The following FREM1 variants were observed in gnomAD, a reference collection of about 807,000 sequenced individuals.
FREM1 encodes FRAS1-related extracellular matrix protein 1.
Under a neutral mutation model 210.1 loss-of-function variants are expected in FREM1, and 220 were observed. That is an observed-to-expected ratio of 1.05 (90% CI 0.94 to 1.17). FREM1 has a LOEUF of 1.17. FREM1 is among the 50% of genes most tolerant of loss of function. The probability of loss-of-function intolerance (pLI) is 0.00; values close to 1 mark genes in which losing one functional copy is unlikely to be tolerated. For synonymous variants in FREM1, 1,189 were observed against 980.2 expected (o/e 1.21, Z -3.98); for missense variants, 3,454 against 2,675.5 (o/e 1.29, Z -6.42).
At chr9:14,787,848 T>C (rs1587975537) in intron 23 of FREM1, among the ~76,000 whole-genome samples, 1 of 152,304 alleles carries the variant, frequency 6.6e-6, no homozygotes, top group Middle Eastern at 3.4e-3. Context: ...CAGGGAGAGA[T>C]AAATGTGTAC....
At chr9:14,815,628 T>C (rs1325409194) in intron 15 of FREM1, among the ~76,000 whole-genome samples, 1 of 152,178 alleles carries the variant, frequency 6.6e-6, no homozygotes, top group African/African-American at 2.4e-5. Flanking sequence ...AGGGGGTTCC[T>C]GTAAGTCCCT....
chr9:14,757,127 C>T (rs950538246), intron 28 of FREM1, among the ~76,000 whole-genome samples: 3 of 152,182 alleles, frequency 2.0e-5, no homozygotes, highest in African/African-American at 7.2e-5. Context: ...AACAAAAATG[C>T]CCTAGTCTAA....
chr9:14,868,259 G>T (rs1831915035), intron 2 of FREM1, among the ~76,000 whole-genome samples: 1 of 152,058 alleles, frequency 6.6e-6, no homozygotes. Context: ...GATAACTCGG[G>T]GCAGGAATAA....
At chr9:14,825,042 A>G in intron 10 of FREM1, 50 bp from the exon 11 acceptor site, 3 of 1,308,584 alleles carry the variant, frequency 2.3e-6, no homozygotes, top group Non-Finnish European at 3.2e-6. Context: ...AAAAAACAAC[A>G]AAGAAAATGC....
At chr9:14,866,953 G>T (rs755671443) in intron 2 of FREM1, among the ~76,000 whole-genome samples, 3 of 151,960 alleles carry the variant, frequency 2.0e-5, no homozygotes, top group South Asian at 2.1e-4. Flanking sequence ...TCCGCCTCCC[G>T]GGTTCAAGCG....
intron 16 of FREM1, among the ~76,000 whole-genome samples, chr9:14,809,965 A>C (rs1418662104): frequency 1.3e-5 from 2 of 152,132 alleles, no homozygotes; most frequent in African/African-American, 2.4e-5. Flanking sequence ...TACCTGTTAA[A>C]TGGCAATTTT....
intron 29 of FREM1, among the ~76,000 whole-genome samples, chr9:14,752,720 G>T (rs1252728525): frequency 6.6e-6 from 1 of 152,096 alleles, no homozygotes; most frequent in African/African-American, 2.4e-5. Context: ...TTAGTACTTG[G>T]AGAACTGTTT....
intron 13 of FREM1, among the ~76,000 whole-genome samples, chr9:14,821,783 G>A (rs1821364765): frequency 6.6e-6 from 1 of 152,250 alleles, no homozygotes; most frequent in Non-Finnish European, 1.5e-5. Flanking sequence ...TGCAATGGCT[G>A]CTGTAGGGTG....
chr9:14,887,709 G>A (rs756805100), intron 1 of FREM1, among the ~76,000 whole-genome samples: 1 of 151,898 alleles, frequency 6.6e-6, no homozygotes, highest in South Asian at 2.1e-4. Flanking sequence ...TTATTAATGT[G>A]CTTTCACTTA....
intron 16 of FREM1, among the ~76,000 whole-genome samples, chr9:14,809,232 C>T (rs1352849190): frequency 6.6e-6 from 1 of 152,210 alleles, no homozygotes; most frequent in Non-Finnish European, 1.5e-5. Flanking sequence ...CTGCCATGAT[C>T]ATGAGGCTTC....
At position 14,748,645 on chromosome 9, in the gene FREM1, G is replaced by A; in HGVS notation, c.5558-6C>T. 6.3e-7 allele frequency: 1 copy of A among 1,589,142 alleles called. No individual in the cohort carries two copies. Among genetic ancestry groups the A allele is most frequent in the Non-Finnish European group, 8.6e-7 (1 of 1,160,444 alleles). On this transcript the variant is annotated splice_region_variant and splice_polypyrimidine_tract_variant and intron_variant, in intron 30 of 36. Coordinates refer to ENST00000380880, the MANE Select transcript of FREM1 (RefSeq NM_001379081.2). ...ATATGAAGGATGGCATTGTCCTGGA[G>A]GCATGCAAGATGGCAGGCGGTCAGT...
intron 21 of FREM1, among the ~76,000 whole-genome samples, chr9:14,794,715 T>C (rs997395274): frequency 2.0e-5 from 3 of 152,020 alleles, no homozygotes; most frequent in Non-Finnish European, 4.4e-5. Flanking sequence ...AAAGTGGAGA[T>C]TGGGCCGGGC....
At chr9:14,747,864 CA>C in intron 31 of FREM1, 136 bp from the exon 32 acceptor site, 1 of 511,336 alleles carries the variant, frequency 2.0e-6, no homozygotes, top group East Asian at 3.4e-5. Flanking sequence ...TTCCCACGCC[CA>C]AATCATTGGA....
At chr9:14,761,236 T>C (rs1179440589) in intron 27 of FREM1, among the ~76,000 whole-genome samples, 1 of 152,166 alleles carries the variant, frequency 6.6e-6, no homozygotes, top group Non-Finnish European at 1.5e-5. Context: ...AATCACGTTC[T>C]ATGGATTAAG....
At chr9:14,871,964 A>G (rs1333413916) in intron 1 of FREM1, among the ~76,000 whole-genome samples, 3 of 152,172 alleles carry the variant, frequency 2.0e-5, no homozygotes, top group Non-Finnish European at 4.4e-5. Context: ...GTCAAAGATC[A>G]GATAGATCTT....
intron 29 of FREM1, chr9:14,751,803 C>A (rs1055063182): frequency 2.0e-4 from 30 of 152,054 alleles, no homozygotes; most frequent in African/African-American, 7.2e-4. Context: ...CAATCCTCAA[C>A]AGAAGTCAAT....
intron 3 of FREM1, among the ~76,000 whole-genome samples, chr9:14,860,739 ACATATATATGCACATATATATG>A (rs1564100923): frequency 7.5e-5 from 10 of 132,634 alleles, no homozygotes; most frequent in African/African-American, 3.1e-4. Context: ...ACATATATAC[ACATATATATGCACATATATATG>A]CACATATATA....
chr9:14,767,584 T>C (rs189543586), intron 27 of FREM1, among the ~76,000 whole-genome samples: 91 of 152,284 alleles, frequency 6.0e-4, no homozygotes, highest in Non-Finnish European at 9.7e-4. Flanking sequence ...CCAATTATAT[T>C]GCAAATGGCT....
intron 1 of FREM1, among the ~76,000 whole-genome samples, chr9:14,888,740 T>G (rs1836255511): frequency 6.6e-6 from 1 of 152,242 alleles, no homozygotes; most frequent in African/African-American, 2.4e-5. Context: ...TACAATGTTT[T>G]CTAATCCATA....
Sources: allele counts gnomAD v4.1 joint callset (sites outside exome capture counted in the v4.1 genomes callset), GRCh38; gene constraint gnomAD v4.1.1; transcripts MANE v1.5; gene names NCBI Gene and HGNC (gene_info 2026-07-23, HGNC 2026-07-21).